Variants in TMIGD3 observed in about 807,000 individuals in gnomAD.
TMIGD3 encodes AD026 protein (AD026).
A neutral mutation model predicts 28.1 loss-of-function variants in TMIGD3; 21 were observed. That is an observed-to-expected ratio of 0.75 (90% CI 0.53 to 1.08). The LOEUF is 1.08. TMIGD3 is among the 50% of genes least tolerant of loss of function. The pLI, the probability that TMIGD3 is intolerant of heterozygous loss-of-function variation, is 0.00. For synonymous variants in TMIGD3, 151 were observed against 162.1 expected, an observed-to-expected ratio of 0.93 and a Z score of 0.52; for missense variants, 416 against 435.6, an observed-to-expected ratio of 0.96 and a Z score of 0.40.
intron 1 of TMIGD3, among the ~76,000 whole-genome samples, chr1:111,513,825 C>T (rs1212786579): frequency 9.9e-5 from 15 of 152,186 alleles, no homozygotes; most frequent in African/African-American, 3.6e-4. Context: ...ATAATGCTAG[C>T]TGTTGTTTCT....
rs1213426114 is a variant in TMIGD3 at position 111,490,685 on chromosome 1, A to G, written c.428T>C (p.Phe143Ser). ...AATGAGAGCCAAGGAGAGTAGAATG[A>G]AGAGCCACATGACTGGAAGGAAGCA... ...KVCFLPVMWL[F>S]ILLSLALISD... Residue 143 changes from phenylalanine to serine, a missense_variant, in exon 2 of 6, where the codon TTC becomes TCC. Transcript: ENST00000369716. 3 of 1,613,822 alleles carry G rather than the reference A, an allele frequency of 1.9e-6. No homozygotes were observed. Among genetic ancestry groups the G allele is most frequent in the Non-Finnish European group, 2.5e-6 (3 of 1,179,858 alleles).
Position 111,502,015 on chromosome 1 carries a change from A to G in TMIGD3, c.350+990T>C, listed in dbSNP as rs148232531. On this transcript the variant is annotated intron_variant, in intron 1 of 5. Coordinates refer to ENST00000369716, the MANE Select transcript of TMIGD3 (RefSeq NM_020683.7). ...AAATATACATATATATAGGATATAT[A>G]TATTTATTATATTATATATAGGATA... Among the ~76,000 whole-genome samples, 1,314 of 143,358 alleles carry G rather than the reference A, an allele frequency of 9.2e-3. 16 individuals carry two copies. The highest frequency in any genetic ancestry group is 0.011 in the Non-Finnish European group (702 of 66,444). 94.0% of individuals were successfully genotyped at this position (143,358 alleles called of 152,430 possible).
At chr1:111,524,028 C>CTTTTTTTTTTTTT (rs35046603) in intron 1 of TMIGD3, among the ~76,000 whole-genome samples, 10 of 108,778 alleles carry the variant, frequency 9.2e-5, no homozygotes, top group African/African-American at 1.4e-4. Context: ...TCTTTCTTTT[C>CTTTTTTTTTTTTT]TTTTTTTTTT....
intron 1 of TMIGD3, chr1:111,500,539 G>A: frequency 6.2e-7 from 1 of 1,614,168 alleles, no homozygotes; most frequent in Non-Finnish European, 8.5e-7. Context: ...TCTTCTGTGA[G>A]TGGTGACCCT....
Position 111,489,466 on chromosome 1 carries a change from C to A in TMIGD3, c.458-442G>T, listed in dbSNP as rs148199644. ...GCCAAATGCCTCGATCTTGAACTTA[C>A]CACCTTCATAACATAAGGAAATAAA... On this transcript the variant is annotated intron_variant, in intron 2 of 5. Coordinates refer to ENST00000369716, the MANE Select transcript of TMIGD3 (RefSeq NM_020683.7). 2.0e-3 allele frequency: 1,494 copies of A among 745,776 alleles called. 16 individuals carry two copies. The African/African-American group carries it at 0.02, about 10-fold the overall frequency. 46.2% of individuals were successfully genotyped at this position (745,776 alleles called of 1,614,324 possible).
At chr1:111,523,982 G>A (rs1479728846) in intron 1 of TMIGD3, among the ~76,000 whole-genome samples, 2 of 146,202 alleles carry the variant, frequency 1.4e-5, no homozygotes, top group African/African-American at 5.1e-5. Context: ...TCTTCTGCTT[G>A]CACTGAGTTT....
intron 1 of TMIGD3, among the ~76,000 whole-genome samples, chr1:111,528,090 CT>C (rs1308281683): frequency 6.6e-6 from 1 of 151,920 alleles, no homozygotes; most frequent in Non-Finnish European, 1.5e-5. Flanking sequence ...CAAAAGTCAT[CT>C]AGATTTTCTC....
intron 1 of TMIGD3, among the ~76,000 whole-genome samples, chr1:111,518,111 C>G (rs764814821): frequency 6.6e-6 from 1 of 152,206 alleles, no homozygotes; most frequent in Non-Finnish European, 1.5e-5. Context: ...CCAGAGGAAC[C>G]ACTTTTAACC....
At chr1:111,505,829 C>G (rs1404163171), upstream of TMIGD3, among the ~76,000 whole-genome samples, 1 of 152,048 alleles carries the variant, frequency 6.6e-6, no homozygotes, top group Non-Finnish European at 1.5e-5. Context: ...ACCATTTGGT[C>G]TGCACATTGC....
At chr1:111,547,574 TC>T (rs1224492915) in intron 1 of TMIGD3, among the ~76,000 whole-genome samples, 3 of 152,190 alleles carry the variant, frequency 2.0e-5, no homozygotes, top group African/African-American at 4.8e-5. Context: ...ACTTAGTTCA[TC>T]CCTAGAGAAC....
At chr1:111,483,880 A>ATT in intron 5 of TMIGD3, 123 bp from the exon 6 acceptor site, 3 of 724,604 alleles carry the variant, frequency 4.1e-6, no homozygotes, top group Non-Finnish European at 4.9e-6. Context: ...ACACAAGTTT[A>ATT]TTTTCAGGGC....
intron 1 of TMIGD3, among the ~76,000 whole-genome samples, chr1:111,520,641 T>G (rs77049843): frequency 1.5e-3 from 227 of 152,324 alleles, no homozygotes; most frequent in African/African-American, 4.8e-3. Context: ...AACAGTGTTT[T>G]TCAAACTACA....
chr1:111,513,723 C>CCCCT (rs966404630), intron 1 of TMIGD3, among the ~76,000 whole-genome samples: 1 of 152,162 alleles, frequency 6.6e-6, no homozygotes, highest in African/African-American at 2.4e-5. Context: ...CATCCTATGC[C>CCCCT]CCCTCCCTCC....
intron 1 of TMIGD3, among the ~76,000 whole-genome samples, chr1:111,514,712 T>C (rs140433140): frequency 2.6e-5 from 4 of 151,958 alleles, no homozygotes; most frequent in South Asian, 4.2e-4. Context: ...AAAAGAGTCA[T>C]GCCTCCCTTA....
At chr1:111,543,720 A>AAAGAGGAGGAGG (rs1276070192) in intron 1 of TMIGD3, among the ~76,000 whole-genome samples, 3 of 151,746 alleles carry the variant, frequency 2.0e-5, no homozygotes, top group Non-Finnish European at 4.4e-5. Flanking sequence ...GAGGGAGGAG[A>AAAGAGGAGGAGG]AAGAGGAGGA....
At chr1:111,504,944 T>G (rs1290074022), upstream of TMIGD3, 1 of 985,122 alleles carries the variant, frequency 1.0e-6, no homozygotes, top group Non-Finnish European at 1.2e-6. Flanking sequence ...CCAACTGAAT[T>G]TCCATCATTC....
At chr1:111,541,049 C>A (rs955373) in intron 1 of TMIGD3, among the ~76,000 whole-genome samples, 1 of 152,194 alleles carries the variant, frequency 6.6e-6, no homozygotes, top group East Asian at 1.9e-4. Context: ...CACCTAGACT[C>A]TGCATAGTCT....
intron 1 of TMIGD3, among the ~76,000 whole-genome samples, chr1:111,560,518 G>A (rs977097628): frequency 7.2e-6 from 1 of 139,834 alleles, no homozygotes; most frequent in African/African-American, 3.0e-5. Flanking sequence ...TAGAGACAGG[G>A]TCTTCTGTCA....
At chr1:111,489,754 G>A in intron 2 of TMIGD3, 1 of 1,026,842 alleles carries the variant, frequency 9.7e-7, no homozygotes, top group Non-Finnish European at 1.2e-6. Flanking sequence ...TGGCTGCACA[G>A]GGCTGAAAAC....
Sources: allele counts gnomAD v4.1 joint callset (sites outside exome capture counted in the v4.1 genomes callset), GRCh38; gene constraint gnomAD v4.1.1; transcripts MANE v1.5; gene names NCBI Gene and HGNC (gene_info 2026-07-23, HGNC 2026-07-21).